The following DPP10 variants were observed in gnomAD, a reference collection of about 807,000 sequenced individuals.
The protein encoded by DPP10 is inactive dipeptidyl peptidase 10.
Under a neutral mutation model 120.9 loss-of-function variants are expected in DPP10, and 33 were observed. That is an observed-to-expected ratio of 0.27 (90% CI 0.21 to 0.37). The LOEUF is 0.37. DPP10 is among the 10% of genes least tolerant of loss of function. The pLI, the probability that DPP10 is intolerant of heterozygous loss-of-function variation, is 1.00. For missense variants in DPP10, 816 were observed against 942.8 expected, an observed-to-expected ratio of 0.87 and a Z score of 1.76; for synonymous variants, 337 against 326.1, an observed-to-expected ratio of 1.03 and a Z score of -0.36.
chr2:115,195,633 C>CT (rs1291648727), intron 1 of DPP10, among the ~76,000 whole-genome samples: 3 of 152,100 alleles, frequency 2.0e-5, no homozygotes, highest in Non-Finnish European at 4.4e-5. Flanking sequence ...ATTATTATTA[C>CT]TTTTTTTGTA....
intron 1 of DPP10, among the ~76,000 whole-genome samples, chr2:114,453,490 T>C (rs951988089): frequency 2.0e-5 from 3 of 152,182 alleles, no homozygotes; most frequent in African/African-American, 7.2e-5. Flanking sequence ...CCTCATCAAA[T>C]AATTAGGGTT....
intron 1 of DPP10, among the ~76,000 whole-genome samples, chr2:114,838,900 G>A (rs1438957862): frequency 1.3e-5 from 2 of 152,044 alleles, no homozygotes; most frequent in Admixed American, 6.6e-5. Flanking sequence ...TCTTCATGGA[G>A]ATGTAGTTTT....
intron 1 of DPP10, among the ~76,000 whole-genome samples, chr2:114,447,823 A>T (rs1254895472): frequency 2.0e-5 from 3 of 152,212 alleles, no homozygotes; most frequent in Non-Finnish European, 4.4e-5. Context: ...AATCAAAAGA[A>T]AAAACTTACA....
chr2:114,878,007 C>T (rs1247311903), intron 1 of DPP10, among the ~76,000 whole-genome samples: 1 of 151,946 alleles, frequency 6.6e-6, no homozygotes, highest in Non-Finnish European at 1.5e-5. Context: ...GTGCCCCACT[C>T]TCTACTTATG....
At chr2:115,202,614 T>C (rs2055818009) in intron 1 of DPP10, among the ~76,000 whole-genome samples, 3 of 152,284 alleles carry the variant, frequency 2.0e-5, no homozygotes, top group Admixed American at 1.3e-4. Context: ...CTGCATAGCT[T>C]TACTTGCTTT....
At chr2:115,821,524 C>T (rs753117255) in intron 21 of DPP10, among the ~76,000 whole-genome samples, 2 of 151,792 alleles carry the variant, frequency 1.3e-5, no homozygotes, top group African/African-American at 2.4e-5. Flanking sequence ...ATGTTTTTAT[C>T]TTTTTGCCAA....
chr2:114,677,134 G>A (rs1227541038), intron 1 of DPP10, among the ~76,000 whole-genome samples: 5 of 152,182 alleles, frequency 3.3e-5, no homozygotes, highest in African/African-American at 1.2e-4. Context: ...CTTCAGCCCA[G>A]TGTTTTCACT....
intron 4 of DPP10, among the ~76,000 whole-genome samples, chr2:115,503,331 T>C (rs543202081): frequency 6.6e-6 from 1 of 152,268 alleles, no homozygotes; most frequent in South Asian, 2.1e-4. Flanking sequence ...TTTGGTTTCT[T>C]TGTTGTTTTA....
intron 1 of DPP10, among the ~76,000 whole-genome samples, chr2:115,258,171 G>A (rs1340563177): frequency 1.3e-5 from 2 of 152,170 alleles, no homozygotes; most frequent in Non-Finnish European, 2.9e-5. Flanking sequence ...CACTGAAATA[G>A]ATTTTGTTAT....
chr2:115,537,187 A>G (rs2078901982), intron 5 of DPP10, among the ~76,000 whole-genome samples: 1 of 152,044 alleles, frequency 6.6e-6, no homozygotes, highest in African/African-American at 2.4e-5. Context: ...ATGTTTTTAG[A>G]ATTGGTACCT....
chr2:115,536,942 G>C (rs1429810459), intron 5 of DPP10, among the ~76,000 whole-genome samples: 2 of 152,042 alleles, frequency 1.3e-5, no homozygotes, highest in African/African-American at 4.8e-5. Flanking sequence ...GCAAGCGATG[G>C]AGTAAAAGTA....
At chr2:114,779,602 A>G (rs1682093814) in intron 1 of DPP10, among the ~76,000 whole-genome samples, 1 of 152,132 alleles carries the variant, frequency 6.6e-6, no homozygotes, top group Admixed American at 6.5e-5. Context: ...ATATCCCAAC[A>G]TAACTTGACC....
intron 1 of DPP10, among the ~76,000 whole-genome samples, chr2:114,671,576 C>G (rs1698343696): frequency 6.6e-6 from 1 of 152,106 alleles, no homozygotes; most frequent in Non-Finnish European, 1.5e-5. Flanking sequence ...ACAAAACTGA[C>G]TAACATAATA....
intron 5 of DPP10, among the ~76,000 whole-genome samples, chr2:115,675,944 G>A (rs1388031720): frequency 6.6e-6 from 1 of 152,110 alleles, no homozygotes; most frequent in Non-Finnish European, 1.5e-5. Flanking sequence ...CCACCAGCTG[G>A]ACCCAATAGT....
intron 5 of DPP10, among the ~76,000 whole-genome samples, chr2:115,589,173 G>T (rs747067126): frequency 1.3e-5 from 2 of 152,244 alleles, no homozygotes; most frequent in East Asian, 1.9e-4. Context: ...TAGTAACCAC[G>T]AAACTCCTGC....
At chr2:114,947,424 C>T (rs17043823) in intron 1 of DPP10, among the ~76,000 whole-genome samples, 35,800 of 150,540 alleles carry the variant, frequency 0.24, 4,328 homozygotes, top group East Asian at 0.35. Context: ...ATTTGAGAGT[C>T]AATTTTTTTA....
At chr2:115,704,110 C>T (rs1575565642) in intron 7 of DPP10, among the ~76,000 whole-genome samples, 1 of 151,894 alleles carries the variant, frequency 6.6e-6, no homozygotes, top group Non-Finnish European at 1.5e-5. Context: ...GGTCCATCAT[C>T]TGAGCTCCTG....
At chr2:115,152,871 G>A (rs1231908930) in intron 1 of DPP10, among the ~76,000 whole-genome samples, 2 of 152,176 alleles carry the variant, frequency 1.3e-5, no homozygotes, top group African/African-American at 4.8e-5. Context: ...GTTTATGGAT[G>A]TCGGCAAAAG....
chr2:114,640,078 A>G lies in DPP10; in HGVS notation c.60+197240A>G, dbSNP rs117620139. Among the ~76,000 whole-genome samples the G allele has an allele frequency of 9.2e-5, 14 of 152,092 alleles. No individual in the cohort carries two copies. In the East Asian group the frequency reaches 2.7e-3, roughly 29 times the overall value. On this transcript the variant is annotated intron_variant, in intron 1 of 25. Coordinates refer to ENST00000410059, the MANE Select transcript of DPP10 (RefSeq NM_020868.6). ...CAGAACATTGGATTGTGCAAAATGG[A>G]ACATTTCAGCTGCTATTTCTATCAC...
Sources: gnomAD v4.1 joint callset for allele counts (sites outside exome capture counted in the v4.1 genomes callset) on GRCh38, gnomAD v4.1.1 for gene constraint, MANE v1.5 for transcripts, NCBI Gene and HGNC (gene_info 2026-07-23, HGNC 2026-07-21) for gene names.